The following COBL variants were observed in gnomAD, a reference collection of about 807,000 sequenced individuals.
COBL encodes cordon-bleu WH2 repeat protein, also known as protein cordon-bleu.
COBL carries 51 observed loss-of-function variants against 98.8 expected under a neutral mutation model. The ratio of observed to expected loss-of-function variants is 0.52; its 90% CI spans 0.41 to 0.65. The LOEUF is 0.65. Ranked by LOEUF, COBL falls within the 30% of genes least tolerant of loss-of-function variation. The probability of loss-of-function intolerance (pLI) is 0.00; values close to 1 mark genes in which losing one functional copy is unlikely to be tolerated. For synonymous variants in COBL, 634 were observed against 651.7 expected, an observed-to-expected ratio of 0.97 and a Z score of 0.41; for missense variants, 1,617 against 1,617.5, an observed-to-expected ratio of 1.00 and a Z score of 0.01.
At chr7:51,192,135 CAG>C (rs1790175622) in intron 3 of COBL, among the ~76,000 whole-genome samples, 1 of 152,156 alleles carries the variant, frequency 6.6e-6, no homozygotes, top group South Asian at 2.1e-4. Context: ...AATCTCTGGT[CAG>C]AGTGTTCCAG....
intron 7 of COBL, among the ~76,000 whole-genome samples, chr7:51,065,699 G>A (rs966522382): frequency 5.3e-5 from 8 of 152,232 alleles, no homozygotes; most frequent in East Asian, 1.9e-4. Flanking sequence ...TCAGCACACA[G>A]GCTAATGCAC....
intron 2 of COBL, among the ~76,000 whole-genome samples, chr7:51,213,704 T>G (rs1792708531): frequency 6.6e-6 from 1 of 152,046 alleles, no homozygotes; most frequent in African/African-American, 2.4e-5. Flanking sequence ...TCAACTGAGG[T>G]GAGTAGGGGC....
At chr7:51,108,806 G>T (rs1049540327) in intron 6 of COBL, among the ~76,000 whole-genome samples, 1 of 152,062 alleles carries the variant, frequency 6.6e-6, no homozygotes, top group South Asian at 2.1e-4. Context: ...GCCAGCCTTG[G>T]GGAGGTCACC....
intron 1 of COBL, among the ~76,000 whole-genome samples, chr7:51,273,761 A>G (rs1799012936): frequency 1.3e-5 from 2 of 152,238 alleles, no homozygotes; most frequent in Admixed American, 1.3e-4. Flanking sequence ...ATTTGAAAAT[A>G]GCTAACTTGC....
intron 7 of COBL, among the ~76,000 whole-genome samples, chr7:51,048,290 G>A (rs946217924): frequency 6.6e-6 from 1 of 151,884 alleles, no homozygotes; most frequent in African/African-American, 2.4e-5. Flanking sequence ...AGTTCAGTTG[G>A]TTGCAACAGA....
rs376333360 is a variant in COBL at position 51,219,754 on chromosome 7, C to A, written c.232G>T (p.Val78Leu). 2.5e-6 allele frequency: 4 copies of A among 1,613,950 alleles called. No homozygotes were observed. The highest frequency in any genetic ancestry group is 2.2e-5 in the East Asian group (1 of 44,852). ...VLPSGLEKRS[V>L]LNGSHAMMDL... ...ACCGGCTCTCACCTCCCATTGAGCA[C>A]GCTCCTCTTCTCCAGCCCACTAGGC... The change falls in exon 2 of 13, where the codon GTG (valine) becomes TTG (leucine). Residue 78 changes from valine (V) to leucine (L), a missense_variant. By Grantham distance (32) the Val-to-Leu change is conservative (BLOSUM62 1). Coordinates refer to ENST00000265136, the MANE Select transcript of COBL (RefSeq NM_015198.5).
intron 8 of COBL, among the ~76,000 whole-genome samples, chr7:51,037,319 G>T (rs1788743302): frequency 6.6e-6 from 1 of 152,296 alleles, no homozygotes; most frequent in Admixed American, 6.5e-5. Flanking sequence ...TTGTAAGGAG[G>T]AGGTAGTGCA....
chr7:51,070,459 G>A (rs935441160), intron 7 of COBL, among the ~76,000 whole-genome samples: 1 of 143,932 alleles, frequency 6.9e-6, no homozygotes, highest in African/African-American at 2.5e-5. Context: ...CAAGTGCTCT[G>A]TATGTGGATT....
intron 6 of COBL, among the ~76,000 whole-genome samples, chr7:51,116,288 A>T (rs563196085): frequency 6.6e-6 from 1 of 152,202 alleles, no homozygotes; most frequent in South Asian, 2.1e-4. Flanking sequence ...GGTTTTAAAA[A>T]TTTAACCACT....
In COBL at chr7:51,136,196, C is replaced by T. The variant is rs1303413451; in HGVS notation, c.919G>A (p.Gly307Ser). The change falls in exon 6 of 13, where the codon GGT becomes AGT. Residue 307 changes from glycine to serine, a missense_variant. By Grantham distance (56) the Gly-to-Ser change is moderately conservative. Transcript: ENST00000265136. ...MKKRRAPPPPGSGPPVQDKAS... is the reference protein window; with the variant it reads ...MKKRRAPPPPSSGPPVQDKAS... Reference sequence around the variant, plus strand: ...TTGTCTTGCACAGGTGGCCCTGAACCTGGAGGAGGAGGGGCTCGGCGCTTC... The same window carrying T: ...TTGTCTTGCACAGGTGGCCCTGAACTTGGAGGAGGAGGGGCTCGGCGCTTC... The T allele has an allele frequency of 1.9e-6, 3 of 1,612,932 alleles. No individual in the cohort carries two copies. The highest frequency in any genetic ancestry group is 1.7e-5 in the Admixed American group (1 of 60,018).
intron 2 of COBL, among the ~76,000 whole-genome samples, chr7:51,215,048 CA>C (rs1456636170): frequency 6.6e-6 from 1 of 152,068 alleles, no homozygotes; most frequent in Admixed American, 6.5e-5. Context: ...CACAGTGCCT[CA>C]CGAAAGTTAG....
At chr7:51,083,890 G>A (rs994732646) in intron 7 of COBL, among the ~76,000 whole-genome samples, 4 of 152,152 alleles carry the variant, frequency 2.6e-5, no homozygotes, top group East Asian at 3.9e-4. Context: ...CTAGGGATTG[G>A]CACGATCCAA....
At chr7:51,106,791 T>C (rs1489318165) in intron 6 of COBL, among the ~76,000 whole-genome samples, 2 of 152,146 alleles carry the variant, frequency 1.3e-5, no homozygotes, top group Non-Finnish European at 2.9e-5. Context: ...TCATCATCAT[T>C]CTTGTTAATT....
intron 8 of COBL, among the ~76,000 whole-genome samples, chr7:51,038,099 G>A (rs933671823): frequency 1.3e-5 from 2 of 152,178 alleles, no homozygotes; most frequent in African/African-American, 4.8e-5. Context: ...TGATCCACCT[G>A]CCTCGGCCTC....
intron 12 of COBL, among the ~76,000 whole-genome samples, chr7:51,019,971 G>A (rs1173963814): frequency 6.6e-6 from 1 of 152,144 alleles, no homozygotes; most frequent in African/African-American, 2.4e-5. Context: ...ACTGTCACAT[G>A]TCTAATCATT....
chr7:51,211,504 A>G (rs1584190811), intron 2 of COBL, among the ~76,000 whole-genome samples: 1 of 152,214 alleles, frequency 6.6e-6, no homozygotes, highest in Admixed American at 6.5e-5. Flanking sequence ...CAAGGTCAGT[A>G]CTTGCTAAAT....
At chr7:51,234,774 G>A (rs1246298424) in intron 1 of COBL, among the ~76,000 whole-genome samples, 1 of 152,028 alleles carries the variant, frequency 6.6e-6, no homozygotes, top group African/African-American at 2.4e-5. Flanking sequence ...CTGACTGAAG[G>A]GCCAGGGCTG....
At chr7:51,045,939 C>A (rs114063927) in intron 7 of COBL, among the ~76,000 whole-genome samples, 4 of 152,200 alleles carry the variant, frequency 2.6e-5, no homozygotes, top group Non-Finnish European at 5.9e-5. Flanking sequence ...AGTGCTATTA[C>A]CAGAGCTCCC....
chr7:51,149,114 C>T (rs1785316442), intron 5 of COBL, among the ~76,000 whole-genome samples: 1 of 152,196 alleles, frequency 6.6e-6, no homozygotes, highest in East Asian at 1.9e-4. Context: ...CCCACAGCTA[C>T]ACTGCTCTGC....
Sources: gnomAD v4.1 joint callset for allele counts (sites outside exome capture counted in the v4.1 genomes callset) on GRCh38, gnomAD v4.1.1 for gene constraint, MANE v1.5 for transcripts, NCBI Gene and HGNC (gene_info 2026-07-23, HGNC 2026-07-21) for gene names.